Variants in SYNPO2 observed in about 807,000 individuals in gnomAD.
The protein encoded by SYNPO2 is synaptopodin 2.
Under a neutral mutation model 85.0 loss-of-function variants are expected in SYNPO2, and 56 were observed. The observed-to-expected ratio is 0.66, with a 90% CI of 0.53 to 0.82. SYNPO2 has a LOEUF of 0.82. SYNPO2 is among the 40% of genes least tolerant of loss of function. The pLI, the probability that SYNPO2 is intolerant of heterozygous loss-of-function variation, is 0.00. For synonymous variants in SYNPO2, 602 were observed against 591.1 expected (o/e 1.02, Z -0.27); for missense variants, 1,575 against 1,534.2 (o/e 1.03, Z -0.44).
At chr4:118,956,482 C>G (rs575533774) in intron 1 of SYNPO2, among the ~76,000 whole-genome samples, 28 of 152,272 alleles carry the variant, frequency 1.8e-4, no homozygotes, top group African/African-American at 6.7e-4. Flanking sequence ...GTAGACTTAA[C>G]TTTTTTAACT....
chr4:118,945,646 G>A (rs1422979664), intron 1 of SYNPO2, among the ~76,000 whole-genome samples: 1 of 151,930 alleles, frequency 6.6e-6, no homozygotes, highest in Non-Finnish European at 1.5e-5. Context: ...TCAAAACTAG[G>A]GTACTATATA....
intron 1 of SYNPO2, among the ~76,000 whole-genome samples, chr4:119,012,901 T>C (rs910128151): frequency 3.9e-5 from 6 of 152,078 alleles, no homozygotes; most frequent in Non-Finnish European, 4.4e-5. Flanking sequence ...GTTCCCTAGG[T>C]TGGACCTTAC....
intron 1 of SYNPO2, among the ~76,000 whole-genome samples, chr4:118,881,085 A>G (rs1732081725): frequency 6.6e-6 from 1 of 151,896 alleles, no homozygotes; most frequent in Non-Finnish European, 1.5e-5. Context: ...GGCGGATCAC[A>G]AGGTCAGGAG....
intron 1 of SYNPO2, among the ~76,000 whole-genome samples, chr4:119,011,498 G>A (rs145728273): frequency 3.8e-4 from 58 of 152,250 alleles, no homozygotes; most frequent in Non-Finnish European, 7.2e-4. Flanking sequence ...AGGTATCTCT[G>A]ATGTCCAACA....
chr4:119,043,841 G>A (rs1040190713), intron 4 of SYNPO2: 1 of 149,858 alleles, frequency 6.7e-6, no homozygotes, highest in Non-Finnish European at 1.5e-5. Flanking sequence ...GGCAGGGTGA[G>A]GCAGGAGAAT....
At chr4:119,055,157 ATT>A (rs60067505) in intron 4 of SYNPO2, among the ~76,000 whole-genome samples, 1,655 of 129,478 alleles carry the variant, frequency 0.013, 24 homozygotes, top group African/African-American at 0.057. Flanking sequence ...TTATTTATTT[ATT>A]TTTTTTTTTT....
chr4:118,868,075 A>AATG (rs1347820850), intron 1 of SYNPO2, among the ~76,000 whole-genome samples: 2 of 151,276 alleles, frequency 1.3e-5, no homozygotes, highest in Admixed American at 1.3e-4. Context: ...CTACGTATTT[A>AATG]ATGAAAAATA....
chr4:118,907,189 C>A (rs904805081), intron 1 of SYNPO2, among the ~76,000 whole-genome samples: 1 of 152,082 alleles, frequency 6.6e-6, no homozygotes, highest in Non-Finnish European at 1.5e-5. Flanking sequence ...CCCCACCATA[C>A]GAAAATGTAA....
intron 4 of SYNPO2, among the ~76,000 whole-genome samples, chr4:119,052,929 A>C (rs1739097802): frequency 6.6e-6 from 1 of 152,172 alleles, no homozygotes; most frequent in Non-Finnish European, 1.5e-5. Flanking sequence ...TTGATGGGTA[A>C]AGCTAATTTA....
intron 1 of SYNPO2, among the ~76,000 whole-genome samples, chr4:118,961,965 G>A (rs1010682213): frequency 1.3e-5 from 2 of 152,122 alleles, no homozygotes; most frequent in African/African-American, 4.8e-5. Flanking sequence ...GCTTTGGGAT[G>A]TTCAGCCCAT....
chr4:118,852,114 TA>T (rs1448568574), intron 1 of SYNPO2, among the ~76,000 whole-genome samples: 1 of 152,124 alleles, frequency 6.6e-6, no homozygotes, highest in Non-Finnish European at 1.5e-5. Flanking sequence ...ATTTGCCGTA[TA>T]AAAAAAGCTC....
At chr4:119,036,979 T>C (rs2149194889) in intron 4 of SYNPO2, 1 of 1,299,458 alleles carries the variant, frequency 7.7e-7, no homozygotes. Context: ...GTTTAAGTAA[T>C]TTTTTTGTTA....
At chr4:118,966,791 A>G (rs1468301703) in intron 1 of SYNPO2, among the ~76,000 whole-genome samples, 1 of 152,080 alleles carries the variant, frequency 6.6e-6, no homozygotes, top group Admixed American at 6.6e-5. Flanking sequence ...TTTGTCCCAG[A>G]TTGTATAGAT....
chr4:118,947,000 G>A (rs557405512), intron 1 of SYNPO2, among the ~76,000 whole-genome samples: 26 of 152,270 alleles, frequency 1.7e-4, no homozygotes, highest in African/African-American at 6.0e-4. Flanking sequence ...TTGCTTTCCT[G>A]TGACTTTGTG....
At chr4:118,977,681 C>T (rs1735845313) in intron 1 of SYNPO2, among the ~76,000 whole-genome samples, 1 of 152,212 alleles carries the variant, frequency 6.6e-6, no homozygotes, top group Non-Finnish European at 1.5e-5. Flanking sequence ...GCTTCAGAGG[C>T]TAGAAATCAG....
chr4:119,032,481 G>A (rs1320938873), intron 4 of SYNPO2: 1 of 1,036,312 alleles, frequency 9.6e-7, no homozygotes, highest in Non-Finnish European at 1.2e-6. Context: ...CTTTTAGGTA[G>A]TGCCTTATCT....
At chr4:118,851,497 C>CA (rs1480199676) in intron 1 of SYNPO2, among the ~76,000 whole-genome samples, 3 of 151,702 alleles carry the variant, frequency 2.0e-5, no homozygotes, top group Admixed American at 2.0e-4. Context: ...CAAAAAAAAA[C>CA]AAAAAACAAA....
chr4:119,031,865 T>C lies in SYNPO2; in HGVS notation c.3090T>C (p.Tyr1030=). Residue 1030 remains tyrosine (Y), a synonymous_variant, in exon 4 of 5, where the codon TAT becomes TAC. Transcript: ENST00000307142. ...QASSVYSVPA[Y]TSPPSFFAEA... Reference sequence around the variant, plus strand: ...CGTCAGTGTACTCGGTACCAGCCTATACCTCTCCTCCTTCCTTCTTTGCAG... The same window carrying C: ...CGTCAGTGTACTCGGTACCAGCCTACACCTCTCCTCCTTCCTTCTTTGCAG... The C allele has an allele frequency of 1.2e-6, 2 of 1,614,216 alleles. No homozygotes were observed. Among genetic ancestry groups the C allele is most frequent in the South Asian group, 2.2e-5 (2 of 91,078 alleles).
intron 1 of SYNPO2, among the ~76,000 whole-genome samples, chr4:118,964,640 TTC>T (rs1426952542): frequency 2.6e-5 from 4 of 152,190 alleles, no homozygotes; most frequent in Admixed American, 6.5e-5. Context: ...ATCTCCATCT[TTC>T]TCTCTCTTCT....
Sources: gnomAD v4.1 joint callset for allele counts (sites outside exome capture counted in the v4.1 genomes callset) on GRCh38, gnomAD v4.1.1 for gene constraint, MANE v1.5 for transcripts, NCBI Gene and HGNC (gene_info 2026-07-23, HGNC 2026-07-21) for gene names.